NECAP2: variants seen among roughly 807,000 people sequenced by gnomAD.
The protein encoded by NECAP2 is NECAP endocytosis associated 2.
Under a neutral mutation model 37.8 loss-of-function variants are expected in NECAP2, and 38 were observed. That is an observed-to-expected ratio of 1.01 (90% CI 0.78 to 1.32). The LOEUF (loss-of-function observed/expected upper bound fraction) is 1.32. Ranked by LOEUF, NECAP2 falls within the 40% of genes most tolerant of loss-of-function variation. The probability of loss-of-function intolerance (pLI) is 0.00; values close to 1 mark genes in which losing one functional copy is unlikely to be tolerated. For missense variants in NECAP2, 316 were observed against 334.5 expected (o/e 0.94, Z 0.43); for synonymous variants, 121 against 127.7 (o/e 0.95, Z 0.35).
intron 1 of NECAP2, among the ~76,000 whole-genome samples, chr1:16,442,256 G>T (rs1236090957): frequency 6.6e-6 from 1 of 152,158 alleles, no homozygotes; most frequent in Non-Finnish European, 1.5e-5. Context: ...GGGATTACAG[G>T]CAGGATCCAC....
At chr1:16,455,024 T>G (rs1232119216) in intron 6 of NECAP2, among the ~76,000 whole-genome samples, 1 of 151,990 alleles carries the variant, frequency 6.6e-6, no homozygotes, top group Non-Finnish European at 1.5e-5. Context: ...GGGGCTGGGG[T>G]GAGGTTCACA....
In NECAP2 at chr1:16,449,067, CCTTTTTCCTCAT is replaced by C. The variant is rs1218440212; in HGVS notation, c.381-25_381-14del. ...GGGCAGCTGGTCTCTTCCTTCCTCA[CCTTTTTCCTCAT>C]GTTCTCTCCCCAGGTGGGTGAAACA... On this transcript the variant is annotated splice_polypyrimidine_tract_variant and intron_variant, in intron 4 of 7. Coordinates refer to ENST00000337132, the MANE Select transcript of NECAP2 (RefSeq NM_018090.5). 6.5e-7 allele frequency: 1 copy of C among 1,537,088 alleles called. No homozygotes were observed. The highest frequency in any genetic ancestry group is 1.4e-5 in the African/African-American group (1 of 73,442).
intron 1 of NECAP2, among the ~76,000 whole-genome samples, chr1:16,442,237 C>A (rs1471936438): frequency 6.6e-6 from 1 of 152,178 alleles, no homozygotes; most frequent in Non-Finnish European, 1.5e-5. Flanking sequence ...CTCGGCCTCC[C>A]AAAGTGCTGG....
intron 6 of NECAP2, among the ~76,000 whole-genome samples, chr1:16,452,622 C>T (rs922361430): frequency 6.6e-6 from 1 of 152,090 alleles, no homozygotes; most frequent in Non-Finnish European, 1.5e-5. Context: ...GGAGTGAGCA[C>T]CTCGGGTGTG....
At chr1:16,448,909 G>C (rs1049346474) in intron 4 of NECAP2, among the ~76,000 whole-genome samples, 184 bp from the exon 5 acceptor site, 1 of 152,112 alleles carries the variant, frequency 6.6e-6, no homozygotes, top group South Asian at 2.1e-4. Context: ...TGTGCATGCC[G>C]CTACTTAAGT....
intron 1 of NECAP2, among the ~76,000 whole-genome samples, chr1:16,443,041 T>C (rs763774478): frequency 6.6e-6 from 1 of 152,228 alleles, no homozygotes. Flanking sequence ...CTGGTGATTG[T>C]TCCATGCTGT....
intron 5 of NECAP2, chr1:16,450,355 A>AAT (rs2086824708): frequency 3.0e-6 from 1 of 328,798 alleles, no homozygotes; most frequent in Admixed American, 4.2e-5. Flanking sequence ...GAGATGAGGA[A>AAT]ATGGAGGCTT....
chr1:16,449,029 G>C (rs1424299503), intron 4 of NECAP2, 64 bp from the exon 5 acceptor site: 3 of 1,055,058 alleles, frequency 2.8e-6, no homozygotes, highest in Non-Finnish European at 4.3e-6. Context: ...AGTGAAGTGA[G>C]CCAGTGATTG....
At chr1:16,448,460 G>A in intron 4 of NECAP2, 1 of 374,834 alleles carries the variant, frequency 2.7e-6, no homozygotes, top group Non-Finnish European at 4.9e-6. Context: ...AATCAATGGC[G>A]CTTGGATTCC....
chr1:16,441,167 G>A, intron 1 of NECAP2: 2 of 389,106 alleles, frequency 5.1e-6, no homozygotes, highest in Middle Eastern at 7.1e-4. Context: ...CTCTTTCAGC[G>A]CTAACCGGTG....
In NECAP2 at chr1:16,451,573, A is replaced by C. The variant is rs554737768; in HGVS notation, c.490-265A>C. The C allele has an allele frequency of 3.6e-5, 18 of 497,422 alleles. 1 individual carries two copies. The East Asian group carries it at 6.7e-4, about 19-fold the overall frequency. 30.8% of individuals were successfully genotyped at this position (497,422 alleles called of 1,614,324 possible). ...ATTTTAGCCATTCTGGTGAGCGTGTAATGGTATATCATTATAGCTTTGATC... is the reference window on the plus strand; with the variant it reads ...ATTTTAGCCATTCTGGTGAGCGTGTCATGGTATATCATTATAGCTTTGATC... On this transcript the variant is annotated intron_variant, in intron 5 of 7. Coordinates refer to ENST00000337132, the MANE Select transcript of NECAP2 (RefSeq NM_018090.5).
At position 16,448,945 on chromosome 1, in the gene NECAP2, CTCACTCCCA is replaced by C. The variant is rs1570263152; in HGVS notation, c.381-147_381-139del. 1.0e-5 allele frequency: 6 copies of C among 594,410 alleles called. No homozygotes were observed. The East Asian group carries it at 1.7e-4, about 17-fold the overall frequency. 36.8% of individuals were successfully genotyped at this position (594,410 alleles called of 1,614,324 possible). ...GTCAGATTGGGATTTGAATTCAGGC[CTCACTCCCA>C]AGCCTGCACTCTTTCCAGCACCCCG... On this transcript the variant is annotated intron_variant, in intron 4 of 7. Coordinates refer to ENST00000337132, the MANE Select transcript of NECAP2 (RefSeq NM_018090.5).
chr1:16,450,289 T>TTG, intron 5 of NECAP2: 1 of 242,108 alleles, frequency 4.1e-6, no homozygotes, highest in Non-Finnish European at 8.4e-6. Flanking sequence ...TGTTTTGTTG[T>TTG]TTTTTTTTTT....
At chr1:16,448,350 C>T (rs2086793416) in intron 4 of NECAP2, 3 of 598,964 alleles carry the variant, frequency 5.0e-6, no homozygotes, top group Admixed American at 5.8e-5. Flanking sequence ...CTCTACCATC[C>T]CAGCCTTCGG....
chr1:16,448,178 C>T, intron 4 of NECAP2, 37 bp downstream of exon 4: 3 of 1,561,390 alleles, frequency 1.9e-6, no homozygotes, highest in East Asian at 2.2e-5. Flanking sequence ...CATGCCCCTC[C>T]CTTCTTTCCC....
chr1:16,441,788 G>T (rs1392250471), intron 1 of NECAP2, among the ~76,000 whole-genome samples: 3 of 152,196 alleles, frequency 2.0e-5, no homozygotes, highest in East Asian at 1.9e-4. Flanking sequence ...TTACTTTCCA[G>T]TTGTGTTACC....
chr1:16,453,724 T>C (rs2086878822), intron 6 of NECAP2, among the ~76,000 whole-genome samples: 1 of 152,090 alleles, frequency 6.6e-6, no homozygotes, highest in Non-Finnish European at 1.5e-5. Context: ...CCTGACCTCG[T>C]GATCTGCCCG....
Position 16,459,103 on chromosome 1 carries a change from C to T in NECAP2, c.*213C>T, listed in dbSNP as rs1557695011. 4.4e-6 allele frequency: 5 copies of T among 1,133,628 alleles called. No individual in the cohort carries two copies. The highest frequency in any genetic ancestry group is 6.2e-6 in the Non-Finnish European group (5 of 812,920). The allele number at this position is 1,133,628 out of a possible 1,614,324, so 70.2% of individuals were successfully genotyped here. On this transcript the variant is annotated 3_prime_UTR_variant, in exon 8 of 8. Coordinates refer to ENST00000337132, the MANE Select transcript of NECAP2 (RefSeq NM_018090.5). ...CTGGGATTCAAGTATGCAACCAGAA[C>T]ACAGGAGAAGAAAAGCTCCAGGATC...
At chr1:16,452,328 GAC>G (rs2086857244) in intron 6 of NECAP2, among the ~76,000 whole-genome samples, 1 of 152,156 alleles carries the variant, frequency 6.6e-6, no homozygotes, top group Admixed American at 6.5e-5. Context: ...GGGTAATGGA[GAC>G]ACAGTCTCTG....
Sources: gnomAD v4.1 joint callset for allele counts (sites outside exome capture counted in the v4.1 genomes callset) on GRCh38, gnomAD v4.1.1 for gene constraint, MANE v1.5 for transcripts, NCBI Gene and HGNC (gene_info 2026-07-23, HGNC 2026-07-21) for gene names.